The following CRACD variants were observed in gnomAD, a reference collection of about 807,000 sequenced individuals.
CRACD encodes the protein capping protein-inhibiting regulator of actin dynamics.
A neutral mutation model predicts 106.8 loss-of-function variants in CRACD; 56 were observed. The observed-to-expected ratio is 0.52, with a 90% CI of 0.42 to 0.66. The LOEUF is 0.66. Among genes scored for constraint, CRACD ranks in the 30% least tolerant of loss-of-function variants. The pLI is 0.00. For missense variants in CRACD, 1,730 were observed against 1,623.2 expected (o/e 1.07, Z -1.13); for synonymous variants, 754 against 670.8 (o/e 1.12, Z -1.92).
intron 1 of CRACD, among the ~76,000 whole-genome samples, chr4:56,106,948 G>A (rs770674102): frequency 1.1e-4 from 17 of 152,166 alleles, no homozygotes; most frequent in Non-Finnish European, 2.2e-4. Context: ...ATGAGCATCT[G>A]TTAGAGGCAG....
chr4:56,250,233 A>G (rs1740971802), intron 2 of CRACD, among the ~76,000 whole-genome samples: 1 of 152,074 alleles, frequency 6.6e-6, no homozygotes, highest in Non-Finnish European at 1.5e-5. Flanking sequence ...GAAATGCCAT[A>G]TAATGGTCAA....
chr4:56,116,223 C>A (rs764952420), intron 1 of CRACD, among the ~76,000 whole-genome samples: 4 of 152,064 alleles, frequency 2.6e-5, no homozygotes, highest in Admixed American at 6.6e-5. Flanking sequence ...GAAAGGGTAG[C>A]CTTGATGTTC....
At chr4:56,232,359 A>G (rs1163615697) in intron 2 of CRACD, among the ~76,000 whole-genome samples, 3 of 152,194 alleles carry the variant, frequency 2.0e-5, no homozygotes, top group Non-Finnish European at 4.4e-5. Flanking sequence ...GCCAAGTAGT[A>G]TTCCATTGTT....
chr4:56,260,867 A>G lies in CRACD; in HGVS notation c.-188-11454A>G, dbSNP rs192375092. On this transcript the variant is annotated intron_variant, in intron 2 of 10. Transcript: ENST00000682029. ...CATCTGTCTGTCTGTCTTTCTGTCT[A>G]TCTGTCTGTCTGTGTATCCATCCAT... Among the ~76,000 whole-genome samples the G allele has an allele frequency of 1.6e-3, 236 of 151,296 alleles. 4 individuals carry two copies. Among genetic ancestry groups the G allele is most frequent in the African/African-American group, 5.4e-3 (223 of 41,024 alleles).
At chr4:56,252,363 C>T (rs1477500532) in intron 2 of CRACD, among the ~76,000 whole-genome samples, 1 of 151,878 alleles carries the variant, frequency 6.6e-6, no homozygotes, top group Non-Finnish European at 1.5e-5. Flanking sequence ...ATTTTTTTTT[C>T]CCCTAACAGG....
intron 1 of CRACD, among the ~76,000 whole-genome samples, chr4:56,165,280 G>A (rs953056428): frequency 6.6e-6 from 1 of 152,206 alleles, no homozygotes; most frequent in South Asian, 2.1e-4. Context: ...TCTCAGCTGG[G>A]CACTGACGTA....
intron 1 of CRACD, among the ~76,000 whole-genome samples, chr4:56,060,486 G>A (rs964346952): frequency 5.9e-5 from 9 of 152,032 alleles, no homozygotes; most frequent in Admixed American, 2.6e-4. Flanking sequence ...ACAGATGGAG[G>A]CAGGGTGGAA....
chr4:56,317,326 G>A (rs1172171887), intron 8 of CRACD, among the ~76,000 whole-genome samples: 1 of 152,190 alleles, frequency 6.6e-6, no homozygotes, highest in Non-Finnish European at 1.5e-5. Flanking sequence ...TGGGATTCCC[G>A]AAAGACACTC....
At chr4:56,114,861 C>T (rs780300604) in intron 1 of CRACD, among the ~76,000 whole-genome samples, 38 of 152,010 alleles carry the variant, frequency 2.5e-4, no homozygotes, top group Non-Finnish European at 5.1e-4. Context: ...CTTGCCTGTG[C>T]ATTATAGTAA....
rs1560524433 is a variant in CRACD, at chr4:56,298,317, GACA to G, written c.92_94del (p.Asn31del). 1.9e-6 allele frequency: 3 copies of G among 1,614,036 alleles called. No individual in the cohort carries two copies. The African/African-American group carries it at 4.0e-5, about 22-fold the overall frequency. On this transcript the variant is annotated inframe_deletion, in exon 4 of 11. Transcript: ENST00000682029. ...GCAGACAGTTCAAGCAATGTCACAG[GACA>G]ACATCCTGGGCAAAGTCAAAACTCT...
Position 56,310,754 on chromosome 4 carries a change from T to C in CRACD, c.354+20T>C, listed in dbSNP as rs894293189. On this transcript the variant is annotated intron_variant, in intron 6 of 10. Coordinates refer to ENST00000682029, the MANE Select transcript of CRACD (RefSeq NM_001393381.1). ...GAGAAGGTAATATGATTTGAACTTA[T>C]TTATTTGGCTTCTTTCCTTACTTAA... 1.3e-6 allele frequency: 2 copies of C among 1,550,032 alleles called. No individual in the cohort carries two copies. The highest frequency in any genetic ancestry group is 2.7e-5 in the African/African-American group (2 of 73,526).
intron 1 of CRACD, among the ~76,000 whole-genome samples, chr4:56,085,269 C>T (rs893405714): frequency 2.0e-5 from 3 of 152,092 alleles, no homozygotes; most frequent in Non-Finnish European, 2.9e-5. Context: ...ATTACTCTCC[C>T]GGGAGTCCTT....
rs190787159 is a variant in CRACD, at chr4:56,164,335, C to T, written c.-335-14949C>T. On this transcript the variant is annotated intron_variant, in intron 1 of 10. Transcript: ENST00000682029. ...ATTTTTAGTAGAGATGAGGTTTCAC[C>T]GTGTTAGCCAGGATGGTCTCAATCT... 1.3e-4 allele frequency among the ~76,000 whole-genome samples: 20 copies of T among 151,680 alleles called. 1 individual carries two copies. In the East Asian group the frequency reaches 3.8e-3, roughly 28 times the overall value.
At chr4:56,102,934 C>T (rs1733825866) in intron 1 of CRACD, among the ~76,000 whole-genome samples, 1 of 152,200 alleles carries the variant, frequency 6.6e-6, no homozygotes, top group Admixed American at 6.5e-5. Context: ...CTGGACTCCC[C>T]TACTTTGTGC....
chr4:56,318,732 A>C (rs1745849532), intron 8 of CRACD, among the ~76,000 whole-genome samples: 1 of 152,218 alleles, frequency 6.6e-6, no homozygotes, highest in South Asian at 2.1e-4. Flanking sequence ...TTTGTTATGC[A>C]ACTTGCTGCT....
intron 1 of CRACD, among the ~76,000 whole-genome samples, chr4:56,071,932 C>G (rs1284055593): frequency 6.6e-6 from 1 of 151,656 alleles, no homozygotes; most frequent in Admixed American, 6.6e-5. Flanking sequence ...TCGAGACCAT[C>G]CTGGCTAACA....
chr4:56,315,623 G>A lies in CRACD; in HGVS notation c.2121G>A (p.Gly707=). The A allele has an allele frequency of 6.2e-7, 1 of 1,614,216 alleles. No homozygotes were observed. Among genetic ancestry groups the A allele is most frequent in the Non-Finnish European group, 8.5e-7 (1 of 1,180,042 alleles). ...STPRGRCDSR[G]NQRKTPPVNA... ...CCAGGGGCCGGTGTGATTCCCGCGG[G>A]AACCAACGGAAGACTCCGCCAGTCA... The change falls in exon 8 of 11, where the codon GGG becomes GGA. Residue 707 remains glycine, a synonymous_variant. Transcript: ENST00000682029. This position sits in a 1 kb window ranked among gnomAD's most constrained non-coding sequence, Gnocchi z 4.1.
At chr4:56,079,159 A>C (rs2412717) in intron 1 of CRACD, among the ~76,000 whole-genome samples, 1 of 151,932 alleles carries the variant, frequency 6.6e-6, no homozygotes, top group Non-Finnish European at 1.5e-5. Context: ...TAAAGGCACC[A>C]TGCTGTCCCA....
chr4:56,225,397 C>T (rs540767435), intron 2 of CRACD, among the ~76,000 whole-genome samples: 2 of 152,274 alleles, frequency 1.3e-5, no homozygotes, highest in South Asian at 4.2e-4. Flanking sequence ...CCAGCCTCAA[C>T]ATGGTTATTT....
Sources: allele counts gnomAD v4.1 joint callset (sites outside exome capture counted in the v4.1 genomes callset), GRCh38; gene constraint gnomAD v4.1.1; non-coding constraint Gnocchi (gnomAD v3.1); transcripts MANE v1.5; gene names NCBI Gene and HGNC (gene_info 2026-07-23, HGNC 2026-07-21).